Variants in USP25 observed in about 807,000 individuals in gnomAD.
USP25 encodes ubiquitin carboxyl-terminal hydrolase 25.
A neutral mutation model predicts 158.5 loss-of-function variants in USP25; 85 were observed. The ratio of observed to expected loss-of-function variants is 0.54; its 90% CI spans 0.45 to 0.64. The LOEUF (loss-of-function observed/expected upper bound fraction) is 0.64, where lower values mean the gene tolerates loss of function less well. Among genes scored for constraint, USP25 ranks in the 30% least tolerant of loss-of-function variants. The pLI is 0.00. For missense variants in USP25, 1,242 were observed against 1,327.3 expected (o/e 0.94, Z 1.00); for synonymous variants, 464 against 460.4 (o/e 1.01, Z -0.10).
intron 1 of USP25, among the ~76,000 whole-genome samples, chr21:15,733,766 C>T (rs962448734): frequency 6.6e-6 from 1 of 152,070 alleles, no homozygotes; most frequent in East Asian, 1.9e-4. Flanking sequence ...CGCTTGAACT[C>T]GGGAGGCGGA....
chr21:15,770,205 A>C (rs2034275441), intron 3 of USP25, among the ~76,000 whole-genome samples: 1 of 152,216 alleles, frequency 6.6e-6, no homozygotes, highest in East Asian at 1.9e-4. Flanking sequence ...CCCATTGCCC[A>C]AGTAACTTCA....
intron 20 of USP25, among the ~76,000 whole-genome samples, chr21:15,856,654 G>C (rs1318432246): frequency 6.6e-6 from 1 of 152,028 alleles, no homozygotes; most frequent in Admixed American, 6.5e-5. Context: ...TGTATTTTTA[G>C]TAGAGACAGG....
intron 1 of USP25, among the ~76,000 whole-genome samples, chr21:15,741,813 AT>A (rs1002406319): frequency 6.6e-5 from 10 of 152,184 alleles, no homozygotes; most frequent in African/African-American, 2.2e-4. Context: ...AGATTGCACA[AT>A]TTTTTTTGTT....
Position 15,878,286 on chromosome 21 carries a change from A to T in USP25, c.3206-17A>T, listed in dbSNP as rs1472679656. 2 of 1,604,328 alleles carry T rather than the reference A, an allele frequency of 1.2e-6. No homozygotes were observed. Among genetic ancestry groups the T allele is most frequent in the African/African-American group, 2.7e-5 (2 of 74,432 alleles). Reference sequence around the variant, plus strand: ...TAATTTCTATCTTTAGTTAGATTTAATTGTTTGTATTTGCAGCACACCTCC... The same window carrying T: ...TAATTTCTATCTTTAGTTAGATTTATTTGTTTGTATTTGCAGCACACCTCC... On this transcript the variant is annotated splice_polypyrimidine_tract_variant and intron_variant, in intron 25 of 25. Coordinates refer to ENST00000400183, the MANE Select transcript of USP25 (RefSeq NM_001283041.3).
At chr21:15,768,495 T>G (rs1003044204) in intron 3 of USP25, among the ~76,000 whole-genome samples, 3 of 152,090 alleles carry the variant, frequency 2.0e-5, no homozygotes, top group African/African-American at 7.2e-5. Flanking sequence ...AAAATACTCT[T>G]TAAGTGACTG....
intron 4 of USP25, among the ~76,000 whole-genome samples, chr21:15,784,820 A>G (rs2035182114): frequency 6.6e-6 from 1 of 152,192 alleles, no homozygotes; most frequent in African/African-American, 2.4e-5. Flanking sequence ...ACCAAACCAC[A>G]GAAGTAAACA....
chr21:15,780,545 G>A (rs1190446941), intron 4 of USP25, among the ~76,000 whole-genome samples: 1 of 152,180 alleles, frequency 6.6e-6, no homozygotes, highest in African/African-American at 2.4e-5. Flanking sequence ...ATAGTGCTAA[G>A]TTTTCTAGCT....
At chr21:15,773,473 G>GTT (rs896842655) in intron 3 of USP25, among the ~76,000 whole-genome samples, 1 of 147,214 alleles carries the variant, frequency 6.8e-6, no homozygotes. Flanking sequence ...AGGTCTTCTG[G>GTT]TTTTTTTTTT....
rs200782155 is a variant in USP25, at chr21:15,775,450, C to T, written c.269-2454C>T. On this transcript the variant is annotated intron_variant, in intron 3 of 25. Transcript: ENST00000400183. The stretch of plus-strand genomic sequence containing the variant: ...TTGCAGGACTGACCAGTCAGGGAAG[C>T]GACCAGTCAGGGAAGCGGCTACTTC... Among the ~76,000 whole-genome samples the T allele has an allele frequency of 1.9e-4, 29 of 152,212 alleles. 1 individual carries two copies. The East Asian group carries it at 2.5e-3, about 13-fold the overall frequency.
intron 1 of USP25, among the ~76,000 whole-genome samples, chr21:15,758,953 A>T (rs1282496153): frequency 6.6e-6 from 1 of 152,190 alleles, no homozygotes; most frequent in Admixed American, 6.5e-5. Flanking sequence ...GTGGGGACAC[A>T]GCCATTTTTA....
At chr21:15,774,943 G>T (rs551185420) in intron 3 of USP25, among the ~76,000 whole-genome samples, 10 of 152,258 alleles carry the variant, frequency 6.6e-5, no homozygotes, top group African/African-American at 1.7e-4. Flanking sequence ...TATCTGAGTA[G>T]TATTATTTTT....
In USP25 at chr21:15,826,372, A is replaced by G; in HGVS notation, c.1466+7A>G. The G allele has an allele frequency of 2.5e-6, 4 of 1,613,646 alleles. No individual in the cohort carries two copies. The highest frequency in any genetic ancestry group is 3.4e-6 in the Non-Finnish European group (4 of 1,179,750). ...CATCACAGACATTACCAAGGTAAAA[A>G]GTAATCCTGATGCAAGAGACAGTTG... is the stretch of plus-strand genomic sequence containing the variant. On this transcript the variant is annotated splice_region_variant and intron_variant, in intron 13 of 25. Transcript: ENST00000400183. The surrounding 1 kb of genome is among the most constrained non-coding windows in gnomAD (Gnocchi z 4.8).
At position 15,879,386 on chromosome 21, in the gene USP25, C is replaced by T. The variant is rs2040211923; in HGVS notation, c.*911C>T. ...CTTCATAATGGAGGACAATGTTTTG[C>T]AATATATAAATCATTCTATTTTTGT... On this transcript the variant is annotated 3_prime_UTR_variant, in exon 26 of 26. Coordinates refer to ENST00000400183, the MANE Select transcript of USP25 (RefSeq NM_001283041.3). The T allele has an allele frequency of 1.3e-5, 2 of 152,232 alleles. No homozygotes were observed. The highest frequency in any genetic ancestry group is 2.9e-5 in the Non-Finnish European group (2 of 67,898). The allele number at this position is 152,232 out of a possible 1,614,324, so 9.4% of individuals were successfully genotyped here.
At chr21:15,769,131 A>T (rs1024749980) in intron 3 of USP25, among the ~76,000 whole-genome samples, 1 of 152,094 alleles carries the variant, frequency 6.6e-6, no homozygotes, top group South Asian at 2.1e-4. Flanking sequence ...TTGTTTATGC[A>T]TACCTGGTGT....
At chr21:15,866,009 TAGA>T in intron 21 of USP25, among the ~76,000 whole-genome samples, 1 of 152,200 alleles carries the variant, frequency 6.6e-6, no homozygotes, top group South Asian at 2.1e-4. Context: ...CTGTGTTAAT[TAGA>T]ATGTAATTTA....
At chr21:15,741,830 G>A (rs1449467832) in intron 1 of USP25, among the ~76,000 whole-genome samples, 2 of 152,114 alleles carry the variant, frequency 1.3e-5, no homozygotes, top group African/African-American at 4.8e-5. Flanking sequence ...TTGTTTGCTT[G>A]TTTAAACTAA....
At position 15,772,336 on chromosome 21, in the gene USP25, T is replaced by C. The variant is rs1346599661; in HGVS notation, c.269-5568T>C. Among the ~76,000 whole-genome samples, 4 of 152,278 alleles carry C rather than the reference T, an allele frequency of 2.6e-5. No individual in the cohort carries two copies. The East Asian group carries it at 7.7e-4, about 29-fold the overall frequency. On this transcript the variant is annotated intron_variant, in intron 3 of 25. Transcript: ENST00000400183. Reference sequence around the variant, plus strand: ...TTTCTCACTTTACAGGAAAAATGTTTTAATTTGGACTCTCATAAAAATGTA... The same window carrying C: ...TTTCTCACTTTACAGGAAAAATGTTCTAATTTGGACTCTCATAAAAATGTA...
chr21:15,865,020 CAT>C (rs2039596603), intron 21 of USP25, among the ~76,000 whole-genome samples: 1 of 151,940 alleles, frequency 6.6e-6, no homozygotes, highest in African/African-American at 2.4e-5. Context: ...TTCACGCAGA[CAT>C]ATTTTCTCTG....
chr21:15,762,673 G>A (rs1209793809), intron 1 of USP25, among the ~76,000 whole-genome samples: 2 of 152,036 alleles, frequency 1.3e-5, no homozygotes, highest in African/African-American at 2.4e-5. Flanking sequence ...TTACCTTTTC[G>A]AAACGTGAGA....
Sources: gnomAD v4.1 joint callset for allele counts (sites outside exome capture counted in the v4.1 genomes callset) on GRCh38, gnomAD v4.1.1 for gene constraint, Gnocchi (gnomAD v3.1) non-coding constraint, MANE v1.5 for transcripts, NCBI Gene and HGNC (gene_info 2026-07-23, HGNC 2026-07-21) for gene names.